IP6K1: variants seen among roughly 807,000 people sequenced by gnomAD.
The protein encoded by IP6K1 is ATP:1D-myo-inositol-hexakisphosphate phosphotransferase.
A neutral mutation model predicts 38.3 loss-of-function variants in IP6K1; 13 were observed. The ratio of observed to expected loss-of-function variants is 0.34; its 90% confidence interval spans 0.22 to 0.54. The LOEUF (loss-of-function observed/expected upper bound fraction) is 0.54. Among genes scored for constraint, IP6K1 ranks in the 20% least tolerant of loss-of-function variants. IP6K1 has a pLI of 0.92. For missense variants in IP6K1, 397 were observed against 599.8 expected (o/e 0.66, Z 3.53); for synonymous variants, 212 against 229.9 (o/e 0.92, Z 0.70).
intron 1 of IP6K1, among the ~76,000 whole-genome samples, chr3:49,771,371 T>G (rs570242163): frequency 6.7e-6 from 1 of 150,052 alleles, no homozygotes; most frequent in South Asian, 2.1e-4. Flanking sequence ...AAGCCAATTT[T>G]AAAAAAAAAT....
chr3:49,743,918 C>A (rs1187739921), intron 2 of IP6K1, among the ~76,000 whole-genome samples: 4 of 151,760 alleles, frequency 2.6e-5, no homozygotes, highest in African/African-American at 9.7e-5. Flanking sequence ...CCATGCCCGG[C>A]GGAGCCATGG....
Position 49,726,946 on chromosome 3 carries a change from C to T in IP6K1, c.*176G>A, listed in dbSNP as rs1010116705. The T allele has an allele frequency of 1.2e-5, 8 of 647,478 alleles. No homozygotes were observed. Among genetic ancestry groups the T allele is most frequent in the Non-Finnish European group, 2.0e-5 (8 of 391,082 alleles). 40.1% of individuals were successfully genotyped at this position (647,478 alleles called of 1,614,324 possible). A position where few individuals can be genotyped will look rare whatever the true frequency, so the allele number is the denominator to read the frequency against. On this transcript the variant is annotated 3_prime_UTR_variant, in exon 6 of 6. Transcript: ENST00000321599. ...CTGGCTGAGAGGGCGTGTGGTCTGCCCTCCTTCACTTTATATATATGGATT... is the reference window on the plus strand; with the variant it reads ...CTGGCTGAGAGGGCGTGTGGTCTGCTCTCCTTCACTTTATATATATGGATT...
intron 1 of IP6K1, among the ~76,000 whole-genome samples, chr3:49,778,280 G>A (rs1183855004): frequency 2.0e-5 from 3 of 150,608 alleles, no homozygotes; most frequent in Non-Finnish European, 3.0e-5. Context: ...AACTGAGATC[G>A]CGCCACTGCA....
chr3:49,780,897 T>A (rs1266056503), intron 1 of IP6K1, among the ~76,000 whole-genome samples: 2 of 152,158 alleles, frequency 1.3e-5, no homozygotes, highest in Admixed American at 1.3e-4. Context: ...CTCCCTTCTA[T>A]TTCCCTGTTT....
At chr3:49,743,236 CAAAAT>C (rs1312561781) in intron 2 of IP6K1, among the ~76,000 whole-genome samples, 3,393 of 112,318 alleles carry the variant, frequency 0.03, 47 homozygotes, top group South Asian at 0.038. Context: ...AAAACAAAAA[CAAAAT>C]ACACACACAC....
chr3:49,747,939 G>A lies in IP6K1; in HGVS notation c.102C>T (p.Gly34=), dbSNP rs1438217210. 3.7e-6 allele frequency: 6 copies of A among 1,614,022 alleles called. No homozygotes were observed. Among genetic ancestry groups the A allele is most frequent in the Admixed American group, 1.7e-5 (1 of 59,994 alleles). ...VLLEPFIHQV[G]GHSSMMRYDD... Reference sequence around the variant, plus strand: ...CGTAACGCATCATGCTGCTGTGTCCGCCTACTTGGTGGATGAAGGGCTCCA... The same window carrying A: ...CGTAACGCATCATGCTGCTGTGTCCACCTACTTGGTGGATGAAGGGCTCCA... The change falls in exon 2 of 6, where the codon GGC becomes GGT. Residue 34 remains glycine, a synonymous_variant. Coordinates refer to ENST00000321599, the MANE Select transcript of IP6K1 (RefSeq NM_153273.4).
At chr3:49,752,776 C>CA (rs1182414898) in intron 1 of IP6K1, among the ~76,000 whole-genome samples, 3 of 135,494 alleles carry the variant, frequency 2.2e-5, no homozygotes, top group Non-Finnish European at 4.6e-5. Context: ...TTTTTTGAGA[C>CA]AGAGTCTCAC....
intron 1 of IP6K1, chr3:49,748,989 C>G (rs1477707990): frequency 1.3e-5 from 2 of 152,264 alleles, no homozygotes; most frequent in Non-Finnish European, 2.9e-5. Context: ...GAGCACTCAA[C>G]CTAGATCCCT....
Position 49,748,139 on chromosome 3 carries a change from G to A in IP6K1, c.-99C>T. On this transcript the variant is annotated 5_prime_UTR_variant, in exon 2 of 6. Coordinates refer to ENST00000321599, the MANE Select transcript of IP6K1 (RefSeq NM_153273.4). Reference sequence around the variant, plus strand: ...GGTCCTGGCCAGGTGAAAGCCAATGGTCAGATTCTATTCAGCTTATTATTC... The same window carrying A: ...GGTCCTGGCCAGGTGAAAGCCAATGATCAGATTCTATTCAGCTTATTATTC... 8.3e-7 allele frequency: 1 copy of A among 1,202,506 alleles called. No individual in the cohort carries two copies. Among genetic ancestry groups the A allele is most frequent in the Non-Finnish European group, 1.2e-6 (1 of 826,750 alleles). 74.5% of individuals were successfully genotyped at this position (1,202,506 alleles called of 1,614,324 possible). A position where few individuals can be genotyped will look rare whatever the true frequency, so the allele number is the denominator to read the frequency against.
At chr3:49,736,770 A>ATTT (rs71080546) in intron 3 of IP6K1, among the ~76,000 whole-genome samples, 1 of 108,794 alleles carries the variant, frequency 9.2e-6, no homozygotes, top group Non-Finnish European at 1.9e-5. Context: ...TTTGGATTTA[A>ATTT]TTTTTTTTTT....
intron 1 of IP6K1, among the ~76,000 whole-genome samples, chr3:49,767,637 G>A (rs1188981059): frequency 1.3e-5 from 2 of 151,978 alleles, no homozygotes; most frequent in Non-Finnish European, 2.9e-5. Context: ...TGGGTACAGT[G>A]GCTCATACCT....
intron 1 of IP6K1, among the ~76,000 whole-genome samples, chr3:49,758,040 T>C (rs1343375764): frequency 6.6e-6 from 1 of 152,188 alleles, no homozygotes; most frequent in African/African-American, 2.4e-5. Context: ...CCAGGCGCAG[T>C]GGCTTACGCC....
chr3:49,781,276 TG>T (rs2081063019), intron 1 of IP6K1, among the ~76,000 whole-genome samples: 1 of 152,202 alleles, frequency 6.6e-6, no homozygotes, highest in Admixed American at 6.5e-5. Context: ...TTGGCTAGGC[TG>T]GTCTCGAACT....
At chr3:49,742,465 C>G (rs760456870) in intron 2 of IP6K1, among the ~76,000 whole-genome samples, 2 of 152,068 alleles carry the variant, frequency 1.3e-5, no homozygotes, top group Non-Finnish European at 2.9e-5. Context: ...AGGAGAATGG[C>G]GTGAGCCCGG....
intron 1 of IP6K1, among the ~76,000 whole-genome samples, chr3:49,781,647 A>C (rs2108266218): frequency 6.6e-6 from 1 of 152,316 alleles, no homozygotes; most frequent in Non-Finnish European, 1.5e-5. Context: ...AGTGGGGATT[A>C]GGATAAACCC....
At chr3:49,778,904 GA>G (rs1222304234) in intron 1 of IP6K1, among the ~76,000 whole-genome samples, 3 of 152,120 alleles carry the variant, frequency 2.0e-5, no homozygotes, top group African/African-American at 7.2e-5. Context: ...GGATTACGGG[GA>G]TGAGCCACCA....
At chr3:49,774,005 ACACACACACACAC>A (rs1228180533) in intron 1 of IP6K1, among the ~76,000 whole-genome samples, 1,714 of 147,048 alleles carry the variant, frequency 0.012, 36 homozygotes, top group African/African-American at 0.039. Flanking sequence ...ACACACACAC[ACACACACACACAC>A]AACACACACA....
At chr3:49,736,538 C>T (rs544066481) in intron 3 of IP6K1, among the ~76,000 whole-genome samples, 1 of 152,188 alleles carries the variant, frequency 6.6e-6, no homozygotes, top group East Asian at 1.9e-4. Flanking sequence ...CATGTTGTAG[C>T]ATGTACCAGC....
In IP6K1 at chr3:49,726,405, G is replaced by A. The variant is rs545141253; in HGVS notation, c.*717C>T. ...TATCCCCCACTTCAGTGGGGTGGGAGGGAGTGGCCTTCTTAGGCAAGGGAA... is the reference window on the plus strand; with the variant it reads ...TATCCCCCACTTCAGTGGGGTGGGAAGGAGTGGCCTTCTTAGGCAAGGGAA... On this transcript the variant is annotated 3_prime_UTR_variant, in exon 6 of 6. Transcript: ENST00000321599. 1 of 152,850 alleles carries A rather than the reference G, an allele frequency of 6.5e-6. No individual in the cohort carries two copies. Among genetic ancestry groups the A allele is most frequent in the African/African-American group, 2.4e-5 (1 of 41,596 alleles). The allele number at this position is 152,850 out of a possible 1,614,324, so 9.5% of individuals were successfully genotyped here. A position where few individuals can be genotyped will look rare whatever the true frequency, so the allele number is the denominator to read the frequency against.
Sources: allele counts gnomAD v4.1 joint callset (sites outside exome capture counted in the v4.1 genomes callset), GRCh38; gene constraint gnomAD v4.1.1; transcripts MANE v1.5; gene names NCBI Gene and HGNC (gene_info 2026-07-23, HGNC 2026-07-21).